The following HDAC9 variants were observed in gnomAD, a reference collection of about 807,000 sequenced individuals.
HDAC9 encodes the protein MEF-2 interacting transcription repressor (MITR) protein.
Under a neutral mutation model 139.4 loss-of-function variants are expected in HDAC9, and 41 were observed. That is an observed-to-expected ratio of 0.29 (90% CI 0.23 to 0.38). The LOEUF (loss-of-function observed/expected upper bound fraction) is 0.38, where lower values mean the gene tolerates loss of function less well. HDAC9 is among the 10% of genes least tolerant of loss of function. The pLI is 1.00. For missense variants in HDAC9, 1,147 were observed against 1,297.0 expected (o/e 0.88, Z 1.78); for synonymous variants, 517 against 476.2 (o/e 1.09, Z -1.12).
intron 12 of HDAC9, chr7:18,666,738 T>C: frequency 2.4e-6 from 3 of 1,275,356 alleles, no homozygotes; most frequent in Non-Finnish European, 3.0e-6. Context: ...ACTAAAATTA[T>C]GATACATAAT....
At chr7:18,122,733 C>T (rs972452095) in intron 1 of HDAC9, among the ~76,000 whole-genome samples, 3 of 152,166 alleles carry the variant, frequency 2.0e-5, no homozygotes, top group African/African-American at 7.2e-5. Context: ...ATTCTCCTGC[C>T]TCAGCCTCCT....
At chr7:18,505,769 A>G (rs1799598762) in intron 2 of HDAC9, 1 of 152,214 alleles carries the variant, frequency 6.6e-6, no homozygotes, top group Admixed American at 6.5e-5. Context: ...GAATCAATAC[A>G]TTGTAAAAGC....
At chr7:18,590,528 C>T (rs555898475) in intron 4 of HDAC9, 42 bp downstream of exon 4, 67 of 1,548,006 alleles carry the variant, frequency 4.3e-5, no homozygotes, top group Middle Eastern at 1.7e-4. Flanking sequence ...CTTTCCTCAT[C>T]GTTAGCTGAT....
intron 1 of HDAC9, among the ~76,000 whole-genome samples, chr7:18,335,814 GA>G (rs1263314914): frequency 6.6e-6 from 1 of 151,558 alleles, no homozygotes; most frequent in Non-Finnish European, 1.5e-5. Flanking sequence ...GATGAGTGAA[GA>G]AAGGATCATG....
At chr7:18,449,742 A>G (rs1039711173) in intron 1 of HDAC9, among the ~76,000 whole-genome samples, 1 of 152,316 alleles carries the variant, frequency 6.6e-6, no homozygotes, top group African/African-American at 2.4e-5. Context: ...TATTAAAGAT[A>G]CATTTAAATA....
At position 18,531,592 on chromosome 7, in the gene HDAC9, C is replaced by A. The variant is rs138154057; in HGVS notation, c.22+35268C>A. Among the ~76,000 whole-genome samples, 60 of 151,678 alleles carry A rather than the reference C, an allele frequency of 4.0e-4. 1 individual carries two copies. In the East Asian group the frequency reaches 0.01, roughly 26 times the overall value. ...AAAGAAAATCAAGTTAATGCATGAC[C>A]TATATGTTGCTCCTTGACAGTCTTT... On this transcript the variant is annotated intron_variant, in intron 2 of 25. Coordinates refer to ENST00000686413, the MANE Select transcript of HDAC9 (RefSeq NM_178425.4).
At chr7:18,630,330 C>T (rs1372614163) in intron 7 of HDAC9, among the ~76,000 whole-genome samples, 2 of 151,662 alleles carry the variant, frequency 1.3e-5, no homozygotes, top group Admixed American at 6.6e-5. Flanking sequence ...GTGCTTATAC[C>T]AATGTGGGCA....
At chr7:18,218,279 A>G (rs1792451341) in intron 2 of HDAC9, among the ~76,000 whole-genome samples, 1 of 152,070 alleles carries the variant, frequency 6.6e-6, no homozygotes. Flanking sequence ...CTCCGTCTCT[A>G]CTAAAAATAC....
intron 5 of HDAC9, 50 bp downstream of exon 5, chr7:18,591,692 T>C (rs1831036912): frequency 6.3e-7 from 1 of 1,599,758 alleles, no homozygotes; most frequent in Non-Finnish European, 8.5e-7. Flanking sequence ...GAACACAGGT[T>C]CTGTATTTAG....
intron 2 of HDAC9, among the ~76,000 whole-genome samples, chr7:18,560,116 C>T (rs189166314): frequency 9.2e-5 from 14 of 152,152 alleles, no homozygotes; most frequent in Admixed American, 6.5e-4. Flanking sequence ...TTATTTCAAA[C>T]ATTTCTGGAG....
chr7:18,345,081 A>C (rs1782299134), intron 1 of HDAC9, among the ~76,000 whole-genome samples: 1 of 152,034 alleles, frequency 6.6e-6, no homozygotes, highest in Non-Finnish European at 1.5e-5. Flanking sequence ...TTATGTAATG[A>C]GTGAAATAAC....
At chr7:18,506,056 C>T (rs190602606) in intron 2 of HDAC9, 12 of 152,196 alleles carry the variant, frequency 7.9e-5, no homozygotes, top group African/African-American at 2.9e-4. Context: ...AAAGAGCATT[C>T]TGTCATTTTT....
intron 6 of HDAC9, among the ~76,000 whole-genome samples, chr7:18,601,818 A>T (rs1834024354): frequency 6.6e-6 from 1 of 152,194 alleles, no homozygotes; most frequent in African/African-American, 2.4e-5. Flanking sequence ...AGGAAATCCT[A>T]CTTGCTTGTG....
Position 18,634,612 on chromosome 7 carries a change from C to G in HDAC9, c.797-15C>G, listed in dbSNP as rs1175349399. Reference sequence around the variant, plus strand: ...GTTCCTCATGAACACATTTGTACTTCACAATATTTTTCAGAATCCTCAGTC... The same window carrying G: ...GTTCCTCATGAACACATTTGTACTTGACAATATTTTTCAGAATCCTCAGTC... On this transcript the variant is annotated splice_polypyrimidine_tract_variant and intron_variant, in intron 7 of 25. Coordinates refer to ENST00000686413, the MANE Select transcript of HDAC9 (RefSeq NM_178425.4). 6.7e-7 allele frequency: 1 copy of G among 1,500,292 alleles called. No individual in the cohort carries two copies. The highest frequency in any genetic ancestry group is 9.1e-7 in the Non-Finnish European group (1 of 1,095,654). The allele number at this position is 1,500,292 out of a possible 1,614,324, so 92.9% of individuals were successfully genotyped here.
chr7:18,493,560 A>G (rs774180658), upstream of HDAC9, among the ~76,000 whole-genome samples: 1 of 151,876 alleles, frequency 6.6e-6, no homozygotes, highest in Non-Finnish European at 1.5e-5. Context: ...GTGAATTTCA[A>G]TGATTGTTTT....
intron 22 of HDAC9, among the ~76,000 whole-genome samples, chr7:18,877,428 G>A (rs1040088642): frequency 6.6e-6 from 1 of 152,082 alleles, no homozygotes; most frequent in Non-Finnish European, 1.5e-5. Flanking sequence ...GTTAGAAATG[G>A]GCTAGATTCT....
intron 2 of HDAC9, 96 bp from the exon 3 acceptor site, chr7:18,585,185 G>A: frequency 7.3e-7 from 1 of 1,374,302 alleles, no homozygotes; most frequent in African/African-American, 1.4e-5. Flanking sequence ...GTTGTACAGG[G>A]TCTTATACTT....
chr7:18,866,387 C>T lies in HDAC9; in HGVS notation c.2685-8091C>T, dbSNP rs115541124. ...TGAAGGCAAGAGATCAGGGACTTTG[C>T]TGTGAACCCTGGCCTATAACTGATG... On this transcript the variant is annotated intron_variant, in intron 21 of 25. Coordinates refer to ENST00000686413, the MANE Select transcript of HDAC9 (RefSeq NM_178425.4). Among the ~76,000 whole-genome samples the T allele has an allele frequency of 7.9e-4, 120 of 152,194 alleles. 1 individual carries two copies. Among genetic ancestry groups the T allele is most frequent in the African/African-American group, 2.8e-3 (116 of 41,524 alleles).
chr7:18,904,131 T>C (rs1312580383), intron 22 of HDAC9, among the ~76,000 whole-genome samples: 1 of 152,256 alleles, frequency 6.6e-6, no homozygotes, highest in Non-Finnish European at 1.5e-5. Context: ...ATATGTATTT[T>C]CCCGATTTCT....
Sources: allele counts gnomAD v4.1 joint callset (sites outside exome capture counted in the v4.1 genomes callset), GRCh38; gene constraint gnomAD v4.1.1; transcripts MANE v1.5; gene names NCBI Gene and HGNC (gene_info 2026-07-23, HGNC 2026-07-21).